The following TNRC6A variants were observed in gnomAD, a reference collection of about 807,000 sequenced individuals.
TNRC6A encodes the protein trinucleotide repeat containing adaptor 6A.
A neutral mutation model predicts 221.2 loss-of-function variants in TNRC6A; 44 were observed. That is an observed-to-expected ratio of 0.20 (90% CI 0.16 to 0.26). The LOEUF is 0.26. Among genes scored for constraint, TNRC6A ranks in the 10% least tolerant of loss-of-function variants. The probability of loss-of-function intolerance (pLI) is 1.00; values close to 1 mark genes in which losing one functional copy is unlikely to be tolerated. For missense variants in TNRC6A, 2,199 were observed against 2,404.4 expected (o/e 0.91, Z 1.79); for synonymous variants, 847 against 838.5 (o/e 1.01, Z -0.18).
intron 2 of TNRC6A, chr16:24,663,755 TG>T (rs2055085111): frequency 2.8e-6 from 1 of 355,134 alleles, no homozygotes; most frequent in Non-Finnish European, 5.6e-6. Flanking sequence ...TGGCTTTTCT[TG>T]GGGATCAGTT....
upstream of TNRC6A, among the ~76,000 whole-genome samples, chr16:24,726,689 A>G (rs954000540): frequency 9.9e-5 from 15 of 152,122 alleles, no homozygotes; most frequent in African/African-American, 3.6e-4. Context: ...AGAAAAATGG[A>G]GCTGGAGAGG....
intron 2 of TNRC6A, 132 bp downstream of exon 2, chr16:24,730,432 G>C (rs1052661072): frequency 9.8e-7 from 1 of 1,022,886 alleles, no homozygotes. Context: ...TTCGGGAGAA[G>C]CGGCCTGGGG....
In TNRC6A at chr16:24,794,633, G is replaced by A. The variant is rs1244500406; in HGVS notation, c.3442G>A (p.Glu1148Lys). The change falls in exon 8 of 25, where the codon GAG (glutamate) becomes AAG (lysine). Residue 1148 changes from glutamate (E) to lysine (K), a missense_variant. Transcript: ENST00000395799. ...PTGWEEEEDV[E>K]IGMWNSNSSQ... is the part of the protein sequence containing the mutation. ...TGGCTGGGAAGAGGAAGAGGATGTGGAGATTGGAATGTGGAATAGTAATTC... is the reference window on the plus strand; with the variant it reads ...TGGCTGGGAAGAGGAAGAGGATGTGAAGATTGGAATGTGGAATAGTAATTC... 1 of 1,613,904 alleles carries A rather than the reference G, an allele frequency of 6.2e-7. No individual in the cohort carries two copies. The highest frequency in any genetic ancestry group is 1.3e-5 in the African/African-American group (1 of 74,920).
chr16:24,651,999 C>T (rs1902696833), intron 2 of TNRC6A, among the ~76,000 whole-genome samples: 1 of 150,864 alleles, frequency 6.6e-6, no homozygotes, highest in Non-Finnish European at 1.5e-5. Context: ...CAGAAAGATA[C>T]CAGAGAATGG....
At chr16:24,796,313 A>G in intron 9 of TNRC6A, 1 of 193,768 alleles carries the variant, frequency 5.2e-6, no homozygotes, top group Non-Finnish European at 1.0e-5. Context: ...TTTGTGTAAA[A>G]TATGGAACCA....
At chr16:24,820,587 C>T (rs1481438828) in intron 22 of TNRC6A, among the ~76,000 whole-genome samples, 1 of 152,202 alleles carries the variant, frequency 6.6e-6, no homozygotes, top group Non-Finnish European at 1.5e-5. Flanking sequence ...AAGACTACAT[C>T]TTAAAATGTG....
rs1457510979 is a variant in TNRC6A, at chr16:24,635,514, C to T, written n.277-5370C>T. 2.0e-5 allele frequency among the ~76,000 whole-genome samples: 3 copies of T among 152,220 alleles called. No individual in the cohort carries two copies. The East Asian group carries it at 5.8e-4, about 29-fold the overall frequency. On this transcript the variant is annotated intron_variant and non_coding_transcript_variant, in intron 1 of 2. Transcript: ENST00000566108. ...GCCAGGCTGGTCTCAAACTCCTGACCTCAAGTAATTCGCCTGCCTTGGCCT... is the reference window on the plus strand; with the variant it reads ...GCCAGGCTGGTCTCAAACTCCTGACTTCAAGTAATTCGCCTGCCTTGGCCT...
intron 2 of TNRC6A, among the ~76,000 whole-genome samples, chr16:24,700,388 A>T (rs1307009172): frequency 6.6e-6 from 1 of 151,966 alleles, no homozygotes; most frequent in African/African-American, 2.4e-5. Context: ...GACGCATGCC[A>T]CCATGCCCGG....
intron 20 of TNRC6A, among the ~76,000 whole-genome samples, chr16:24,818,365 C>T (rs1373664274): frequency 6.6e-6 from 1 of 152,114 alleles, no homozygotes; most frequent in Non-Finnish European, 1.5e-5. Context: ...AGGACAAAAT[C>T]AGAGGGAAAA....
At chr16:24,623,190 T>TTTATTTATTTAC (rs367608685) in intron 1 of TNRC6A, among the ~76,000 whole-genome samples, 70 of 147,996 alleles carry the variant, frequency 4.7e-4, no homozygotes, top group African/African-American at 8.8e-4. Flanking sequence ...TATTTATTTA[T>TTTATTTATTTAC]TTACTTATTT....
chr16:24,745,806 C>A (rs1015478022), intron 2 of TNRC6A, among the ~76,000 whole-genome samples: 13 of 148,814 alleles, frequency 8.7e-5, no homozygotes, highest in South Asian at 2.2e-4. Flanking sequence ...CCCCCCCCCC[C>A]CCAGCTAATT....
chr16:24,746,980 C>T (rs920628210), intron 2 of TNRC6A, among the ~76,000 whole-genome samples: 3 of 152,164 alleles, frequency 2.0e-5, no homozygotes, highest in Non-Finnish European at 4.4e-5. Context: ...CCACCATACC[C>T]GGCCAGAAAC....
intron 2 of TNRC6A, among the ~76,000 whole-genome samples, chr16:24,707,811 C>A (rs2056125966): frequency 6.6e-6 from 1 of 152,186 alleles, no homozygotes; most frequent in Admixed American, 6.5e-5. Flanking sequence ...GTAATCCCAG[C>A]ACTCTGGGAG....
intron 18 of TNRC6A, among the ~76,000 whole-genome samples, chr16:24,813,130 G>A (rs1248671482): frequency 1.3e-5 from 2 of 151,976 alleles, no homozygotes; most frequent in South Asian, 2.1e-4. Context: ...ACCTGCTTCG[G>A]CCTCCCAAAG....
intron 17 of TNRC6A, among the ~76,000 whole-genome samples, chr16:24,807,419 T>A (rs1006383428): frequency 1.3e-5 from 2 of 152,140 alleles, no homozygotes; most frequent in Non-Finnish European, 2.9e-5. Context: ...ATATTAAGGG[T>A]GGGAAGGAAG....
At chr16:24,636,959 G>A (rs1052528569) in intron 1 of TNRC6A, among the ~76,000 whole-genome samples, 4 of 152,132 alleles carry the variant, frequency 2.6e-5, no homozygotes, top group Non-Finnish European at 1.5e-5. Flanking sequence ...TACAGTAAGA[G>A]AGCCATACCT....
At chr16:24,662,253 C>T (rs1381679594) in intron 2 of TNRC6A, 1 of 151,964 alleles carries the variant, frequency 6.6e-6, no homozygotes, top group East Asian at 1.9e-4. Flanking sequence ...AGTTCCAGAA[C>T]AGCCTAAGCA....
At chr16:24,756,885 C>T (rs2057263474) in intron 3 of TNRC6A, among the ~76,000 whole-genome samples, 1 of 151,408 alleles carries the variant, frequency 6.6e-6, no homozygotes. Context: ...TGTTTTTTGT[C>T]TGTTTGTTTT....
chr16:24,793,487 TG>T lies in TNRC6A; in HGVS notation c.3196del (p.Glu1066SerfsTer20). On this transcript the variant is annotated frameshift_variant, in exon 7 of 25. Coordinates refer to ENST00000395799, the MANE Select transcript of TNRC6A (RefSeq NM_014494.4). LOFTEE classifies it high-confidence loss of function. ...ACTTTCTAAAGGCTGGGGTGAGCCCTGGGGGGAGCCTTCTACTCCAGCCACA... is the reference window on the plus strand; with the variant it reads ...ACTTTCTAAAGGCTGGGGTGAGCCCTGGGGGAGCCTTCTACTCCAGCCACA... ...ASSGSGWGEPWGEPSTPATTV... is the reference protein window; with the variant it reads ...ASSGSGWGEPXGEPSTPATTV... 6.0e-6 allele frequency: 9 copies of T among 1,497,954 alleles called. No individual in the cohort carries two copies. Among genetic ancestry groups the T allele is most frequent in the Admixed American group, 2.1e-5 (1 of 48,650 alleles). 92.8% of individuals were successfully genotyped at this position (1,497,954 alleles called of 1,614,324 possible). A position where few individuals can be genotyped will look rare whatever the true frequency, so the allele number is the denominator to read the frequency against.
Sources: allele counts gnomAD v4.1 joint callset (sites outside exome capture counted in the v4.1 genomes callset), GRCh38; gene constraint gnomAD v4.1.1; transcripts MANE v1.5; gene names NCBI Gene and HGNC (gene_info 2026-07-23, HGNC 2026-07-21).